The following STAG1 variants were observed in gnomAD, a reference collection of about 807,000 sequenced individuals.
STAG1 encodes STAG1 cohesin complex component, also known as cohesin subunit SA-1.
STAG1 carries 26 observed loss-of-function variants against 170.9 expected under a neutral mutation model. The ratio of observed to expected loss-of-function variants is 0.15; its 90% CI spans 0.11 to 0.21. STAG1 has a LOEUF of 0.21. Ranked by LOEUF, STAG1 falls within the 10% of genes least tolerant of loss-of-function variation. STAG1 has a pLI of 1.00. For missense variants in STAG1, 964 were observed against 1,509.5 expected (o/e 0.64, Z 5.99); for synonymous variants, 514 against 497.7 (o/e 1.03, Z -0.44).
At chr3:136,728,398 A>C (rs184568104) in intron 1 of STAG1, among the ~76,000 whole-genome samples, 97 of 152,256 alleles carry the variant, frequency 6.4e-4, no homozygotes, top group Admixed American at 2.1e-3. Context: ...AAGAAGTATA[A>C]AGGGAGCATA....
At position 136,343,836 on chromosome 3, in the gene STAG1, G is replaced by C; in HGVS notation, c.3442C>G (p.His1148Asp). 4 of 1,539,656 alleles carry C rather than the reference G, an allele frequency of 2.6e-6. No individual in the cohort carries two copies. Among genetic ancestry groups the C allele is most frequent in the Non-Finnish European group, 3.5e-6 (4 of 1,145,182 alleles). The stretch of plus-strand genomic sequence containing the variant: ...AGACAAATTTTTGCTACTTACTTGT[G>C]TAAAAAGTCTGGTTCAGAACCATGT... ...SEHGSEPDFL[H>D]NPQMQISWLG... The change falls in exon 30 of 34, where the codon CAC becomes GAC. Residue 1148 changes from histidine (H) to aspartate (D), a missense_variant. His to Asp is a moderately conservative substitution (Grantham distance 81, BLOSUM62 -1). Transcript: ENST00000383202.
chr3:136,620,457 T>C (rs1301910281), intron 3 of STAG1, among the ~76,000 whole-genome samples: 1 of 152,074 alleles, frequency 6.6e-6, no homozygotes, highest in African/African-American at 2.4e-5. Context: ...AGTGTGGGAG[T>C]TATCATATAA....
At chr3:136,644,828 C>A (rs865944913) in intron 1 of STAG1, among the ~76,000 whole-genome samples, 1 of 152,166 alleles carries the variant, frequency 6.6e-6, no homozygotes, top group South Asian at 2.1e-4. Flanking sequence ...TCAAGCCATC[C>A]TCCTACCTCA....
intron 1 of STAG1, among the ~76,000 whole-genome samples, 157 bp downstream of exon 1, chr3:136,752,038 C>T (rs987335548): frequency 7.3e-5 from 11 of 150,978 alleles, no homozygotes; most frequent in African/African-American, 2.7e-4. Flanking sequence ...CTCCCTCCCC[C>T]GCACGGGGCC....
rs1360298286 is a variant in STAG1 at position 136,337,570 on chromosome 3, TTATAAA to T, written c.*678_*683del. ...TGGACATTTCTTATTTTATGCCCAC[TTATAAA>T]TAAAAATAAACCTTTTATTCAAGAG... On this transcript the variant is annotated 3_prime_UTR_variant, in exon 34 of 34. Transcript: ENST00000383202. 3.9e-5 allele frequency: 6 copies of T among 152,676 alleles called. No individual in the cohort carries two copies. The highest frequency in any genetic ancestry group is 7.2e-5 in the African/African-American group (3 of 41,466). 9.5% of individuals were successfully genotyped at this position (152,676 alleles called of 1,614,324 possible).
chr3:136,612,655 G>A (rs1939362270), intron 3 of STAG1, among the ~76,000 whole-genome samples: 1 of 152,318 alleles, frequency 6.6e-6, no homozygotes, highest in Admixed American at 6.5e-5. Context: ...ACTCTCTCCA[G>A]CCTGAACAAC....
At chr3:136,747,093 TAAAAAA>T (rs71134408) in intron 1 of STAG1, among the ~76,000 whole-genome samples, 3 of 59,340 alleles carry the variant, frequency 5.1e-5, no homozygotes, top group African/African-American at 8.3e-5. Flanking sequence ...TGAAACTGTC[TAAAAAA>T]AAAAAAAAAA....
chr3:136,540,625 C>T lies in STAG1; in HGVS notation c.471+1494G>A, dbSNP rs147473125. Among the ~76,000 whole-genome samples, 1,162 of 151,770 alleles carry T rather than the reference C, an allele frequency of 7.7e-3. 19 individuals are homozygous for T. The highest frequency in any genetic ancestry group is 0.027 in the African/African-American group (1,130 of 41,438). On this transcript the variant is annotated intron_variant, in intron 6 of 33. Transcript: ENST00000383202. Reference sequence around the variant, plus strand: ...TCACCTGAGGTCAGGAGTTCCAGATCAGCCTGGACAACATGGAGAAATCCT... The same window carrying T: ...TCACCTGAGGTCAGGAGTTCCAGATTAGCCTGGACAACATGGAGAAATCCT...
intron 1 of STAG1, among the ~76,000 whole-genome samples, chr3:136,731,245 CA>C (rs549921712): frequency 1.6e-3 from 218 of 139,996 alleles, no homozygotes; most frequent in Admixed American, 1.3e-3. Context: ...AACTTTACTA[CA>C]AAAAAAAAAA....
intron 7 of STAG1, among the ~76,000 whole-genome samples, chr3:136,509,935 G>A (rs529561985): frequency 2.0e-5 from 3 of 152,260 alleles, no homozygotes; most frequent in East Asian, 1.9e-4. Flanking sequence ...AAAGAGAGAG[G>A]TGATTATAGT....
intron 2 of STAG1, among the ~76,000 whole-genome samples, chr3:136,629,994 G>A (rs1429498883): frequency 6.6e-6 from 1 of 151,904 alleles, no homozygotes; most frequent in African/African-American, 2.4e-5. Context: ...TCAGGAGTTC[G>A]AGACCAGCCT....
chr3:136,677,092 C>A (rs1283229950), intron 1 of STAG1, among the ~76,000 whole-genome samples: 1 of 152,112 alleles, frequency 6.6e-6, no homozygotes, highest in Non-Finnish European at 1.5e-5. Flanking sequence ...TTACAGTTAA[C>A]ATTTTTTTAT....
intron 1 of STAG1, among the ~76,000 whole-genome samples, chr3:136,735,945 T>C (rs1275545453): frequency 6.6e-6 from 1 of 152,162 alleles, no homozygotes; most frequent in East Asian, 1.9e-4. Flanking sequence ...GATTGGTCAG[T>C]AGACGGGGGC....
intron 22 of STAG1, among the ~76,000 whole-genome samples, chr3:136,393,381 T>C (rs2087062930): frequency 6.6e-6 from 1 of 152,078 alleles, no homozygotes; most frequent in Non-Finnish European, 1.5e-5. Context: ...GGTGGGTGAC[T>C]GTAATCCCAG....
At chr3:136,420,314 A>G (rs1001049567) in intron 20 of STAG1, among the ~76,000 whole-genome samples, 2 of 151,974 alleles carry the variant, frequency 1.3e-5, no homozygotes, top group African/African-American at 2.4e-5. Flanking sequence ...AAAACTGAAT[A>G]AAGGAAAAAC....
rs1018270749 is a variant in STAG1, at chr3:136,493,997, G to A, written c.902+6226C>T. ...CAAAAAATCTGGCGGTGTGCAGGGCGCAGTGGCTCACACCTATAATCCTAG... is the reference window on the plus strand; with the variant it reads ...CAAAAAATCTGGCGGTGTGCAGGGCACAGTGGCTCACACCTATAATCCTAG... On this transcript the variant is annotated intron_variant, in intron 9 of 33. Transcript: ENST00000383202. 6.6e-5 allele frequency among the ~76,000 whole-genome samples: 10 copies of A among 152,108 alleles called. No individual in the cohort carries two copies. In the East Asian group the frequency reaches 7.7e-4, roughly 12 times the overall value.
intron 3 of STAG1, among the ~76,000 whole-genome samples, chr3:136,611,997 G>A (rs1010311715): frequency 2.1e-4 from 32 of 151,998 alleles, no homozygotes; most frequent in Non-Finnish European, 3.1e-4. Context: ...ACAGGTGCCC[G>A]CCACCATGCC....
chr3:136,609,469 G>A, intron 3 of STAG1: 1 of 150,614 alleles, frequency 6.6e-6, no homozygotes, highest in Admixed American at 6.6e-5. Context: ...TAAAGAAAAG[G>A]GAAAAGGGGA....
At chr3:136,535,924 TA>T (rs1254554906) in intron 6 of STAG1, among the ~76,000 whole-genome samples, 21 of 152,218 alleles carry the variant, frequency 1.4e-4, no homozygotes, top group African/African-American at 4.8e-4. Context: ...AAAAATCTAA[TA>T]CATCTTAATA....
Sources: gnomAD v4.1 joint callset for allele counts (sites outside exome capture counted in the v4.1 genomes callset) on GRCh38, gnomAD v4.1.1 for gene constraint, MANE v1.5 for transcripts, NCBI Gene and HGNC (gene_info 2026-07-23, HGNC 2026-07-21) for gene names.